Variants in TTC39C observed in about 807,000 individuals in gnomAD.
TTC39C encodes the protein tetratricopeptide repeat domain 39C, also known as tetratricopeptide repeat protein 39C.
In TTC39C, 33 loss-of-function variants were observed where a neutral mutation model predicts 76.3. The observed-to-expected ratio is 0.43, with a 90% CI of 0.33 to 0.58. The LOEUF (loss-of-function observed/expected upper bound fraction) is 0.58, where lower values mean the gene tolerates loss of function less well. TTC39C is among the 20% of genes least tolerant of loss of function. TTC39C has a pLI of 0.04. For missense variants in TTC39C, 595 were observed against 701.4 expected, an observed-to-expected ratio of 0.85 and a Z score of 1.71; for synonymous variants, 254 against 260.6, an observed-to-expected ratio of 0.97 and a Z score of 0.24.
chr18:24,042,126 AT>A (rs1317261652), intron 1 of TTC39C, among the ~76,000 whole-genome samples: 1 of 152,206 alleles, frequency 6.6e-6, no homozygotes, highest in African/African-American at 2.4e-5. Context: ...AACAACTATA[AT>A]CATTGTAATG....
chr18:24,134,567 G>GCA lies in TTC39C; in HGVS notation c.*1994_*1995insAC, dbSNP rs1419490068. ...TGGGATTACTGGTGTGAGCCACCGT[G>GCA]CCCGGCCTGGACATCTGGTTTTAAC... On this transcript the variant is annotated 3_prime_UTR_variant, in exon 14 of 14. Coordinates refer to ENST00000317571, the MANE Select transcript of TTC39C (RefSeq NM_001135993.2). 4 of 152,072 alleles carry GCA rather than the reference G, an allele frequency of 2.6e-5. No individual in the cohort carries two copies. The highest frequency in any genetic ancestry group is 4.4e-5 in the Non-Finnish European group (3 of 68,014). The allele number at this position is 152,072 out of a possible 1,614,324, so 9.4% of individuals were successfully genotyped here. A position where few individuals can be genotyped will look rare whatever the true frequency, so the allele number is the denominator to read the frequency against.
rs866376265 is a variant in TTC39C, at chr18:24,123,171, G to T, written c.1187-663G>T. Among the ~76,000 whole-genome samples, 3 of 152,038 alleles carry T rather than the reference G, an allele frequency of 2.0e-5. No individual in the cohort carries two copies. In the South Asian group the frequency reaches 6.2e-4, roughly 32 times the overall value. ...CGGGGCTCTTCATTGTTCTTTCCTG[G>T]GTTCCTATTTATTCCACTTTGAGTA... On this transcript the variant is annotated intron_variant, in intron 8 of 13. Coordinates refer to ENST00000317571, the MANE Select transcript of TTC39C (RefSeq NM_001135993.2).
chr18:24,007,940 G>T (rs1007132573), intron 1 of TTC39C, among the ~76,000 whole-genome samples: 1 of 152,200 alleles, frequency 6.6e-6, no homozygotes, highest in East Asian at 1.9e-4. Flanking sequence ...TAATATCTTG[G>T]TATTACAGAT....
At chr18:24,098,061 A>G (rs1218651196) in intron 6 of TTC39C, among the ~76,000 whole-genome samples, 2 of 152,198 alleles carry the variant, frequency 1.3e-5, no homozygotes, top group East Asian at 3.9e-4. Flanking sequence ...TGCCTTTTAA[A>G]TATATATTAT....
chr18:24,047,459 C>T (rs1011157530), intron 1 of TTC39C, among the ~76,000 whole-genome samples: 4 of 152,142 alleles, frequency 2.6e-5, no homozygotes, highest in African/African-American at 9.7e-5. Context: ...GGTTATACAA[C>T]CCAGTTATTC....
At chr18:24,065,905 C>A (rs1473839493) in intron 2 of TTC39C, 107 bp from the exon 3 acceptor site, 7 of 1,174,080 alleles carry the variant, frequency 6.0e-6, no homozygotes, top group Non-Finnish European at 7.0e-6. Flanking sequence ...CTTTTGCTTG[C>A]AATAAATAAT....
chr18:24,053,493 A>G (rs1033806163), intron 1 of TTC39C, among the ~76,000 whole-genome samples: 3 of 152,208 alleles, frequency 2.0e-5, no homozygotes, highest in African/African-American at 7.2e-5. Context: ...TTTCTCTGTG[A>G]TTGCTGCAAC....
In TTC39C at chr18:24,135,117, C is replaced by T. The variant is rs998370494; in HGVS notation, c.*2543C>T. The T allele has an allele frequency of 6.6e-6, 1 of 152,160 alleles. No homozygotes were observed. Among genetic ancestry groups the T allele is most frequent in the Admixed American group, 6.6e-5 (1 of 15,266 alleles). The allele number at this position is 152,160 out of a possible 1,614,324, so 9.4% of individuals were successfully genotyped here. ...ACCCGGGTTTAAGCGATTCTTCTGC[C>T]TGAGCCTCCCAAGTAGCTGGGATTA... On this transcript the variant is annotated 3_prime_UTR_variant, in exon 14 of 14. Coordinates refer to ENST00000317571, the MANE Select transcript of TTC39C (RefSeq NM_001135993.2).
At chr18:24,060,469 A>T (rs764962898) in intron 1 of TTC39C, among the ~76,000 whole-genome samples, 11 of 151,688 alleles carry the variant, frequency 7.3e-5, no homozygotes, top group African/African-American at 2.7e-4. Flanking sequence ...AGGCATGCCC[A>T]GCTAATTTTT....
At chr18:24,081,415 C>T (rs2084373981) in intron 5 of TTC39C, among the ~76,000 whole-genome samples, 2 of 151,992 alleles carry the variant, frequency 1.3e-5, no homozygotes, top group African/African-American at 4.8e-5. Flanking sequence ...ATGTTATGTT[C>T]CTTGGTTTAA....
intron 6 of TTC39C, among the ~76,000 whole-genome samples, chr18:24,111,484 G>A (rs1001710596): frequency 6.0e-5 from 9 of 151,250 alleles, no homozygotes; most frequent in Non-Finnish European, 1.2e-4. Flanking sequence ...CAGGAGAATC[G>A]CTTGAACCCA....
At chr18:24,089,205 G>T (rs186708952) in intron 6 of TTC39C, among the ~76,000 whole-genome samples, 2 of 152,304 alleles carry the variant, frequency 1.3e-5, no homozygotes, top group Admixed American at 1.3e-4. Flanking sequence ...CATCTCTAGG[G>T]TACGTTGACA....
In TTC39C at chr18:24,062,303, G is replaced by T. The variant is rs544593145; in HGVS notation, c.168-1837G>T. Among the ~76,000 whole-genome samples, 10 of 152,288 alleles carry T rather than the reference G, an allele frequency of 6.6e-5. No homozygotes were observed. In the South Asian group the frequency reaches 2.1e-3, roughly 32 times the overall value. ...ATATTTGAGCAGGGAAAGGGAAAAGGAGGGAAAAGCTGCAGTACTCAGCAC... is the reference window on the plus strand; with the variant it reads ...ATATTTGAGCAGGGAAAGGGAAAAGTAGGGAAAAGCTGCAGTACTCAGCAC... On this transcript the variant is annotated intron_variant, in intron 1 of 13. Coordinates refer to ENST00000317571, the MANE Select transcript of TTC39C (RefSeq NM_001135993.2).
intron 6 of TTC39C, among the ~76,000 whole-genome samples, chr18:24,088,204 T>G (rs2084469812): frequency 6.6e-6 from 1 of 152,232 alleles, no homozygotes; most frequent in South Asian, 2.1e-4. Context: ...TTTCATTTCT[T>G]GAGAGTCACA....
chr18:24,087,952 G>A (rs2084466402), intron 6 of TTC39C, among the ~76,000 whole-genome samples: 1 of 152,196 alleles, frequency 6.6e-6, no homozygotes, highest in Admixed American at 6.5e-5. Context: ...AATGTATGTT[G>A]GCTGAATGAA....
intron 7 of TTC39C, among the ~76,000 whole-genome samples, chr18:24,116,915 TC>T (rs2084901156): frequency 7.3e-6 from 1 of 137,316 alleles, no homozygotes; most frequent in South Asian, 2.6e-4. Flanking sequence ...AGCCCAGACC[TC>T]CCCGGCTCAG....
chr18:23,997,657 A>AGAAAGAAGGAAAGAAG (rs1568398741), intron 1 of TTC39C, among the ~76,000 whole-genome samples: 1 of 60,220 alleles, frequency 1.7e-5, no homozygotes, highest in African/African-American at 6.2e-5. Context: ...GGAAGGAGAA[A>AGAAAGAAGGAAAGAAG]GAAAGAAAGA....
intron 1 of TTC39C, among the ~76,000 whole-genome samples, chr18:24,042,947 T>A (rs1415406491): frequency 1.3e-5 from 2 of 152,126 alleles, no homozygotes; most frequent in African/African-American, 4.8e-5. Flanking sequence ...ATACCATGAC[T>A]CTCATAAAAA....
At chr18:24,091,748 T>A (rs2084518844) in intron 6 of TTC39C, among the ~76,000 whole-genome samples, 1 of 152,290 alleles carries the variant, frequency 6.6e-6, no homozygotes, top group South Asian at 2.1e-4. Context: ...ATTCTGAATA[T>A]GTAAAGAACT....
Sources: gnomAD v4.1 joint callset for allele counts (sites outside exome capture counted in the v4.1 genomes callset) on GRCh38, gnomAD v4.1.1 for gene constraint, MANE v1.5 for transcripts, NCBI Gene and HGNC (gene_info 2026-07-23, HGNC 2026-07-21) for gene names.